Variants in WASF3 observed in about 807,000 individuals in gnomAD.
The protein encoded by WASF3 is WASP family member 3, also known as actin-binding protein WASF3.
Under a neutral mutation model 46.6 loss-of-function variants are expected in WASF3, and 11 were observed. The ratio of observed to expected loss-of-function variants is 0.24; its 90% CI spans 0.15 to 0.39. The LOEUF (loss-of-function observed/expected upper bound fraction) is 0.39. Ranked by LOEUF, WASF3 falls within the 10% of genes least tolerant of loss-of-function variation. The pLI is 1.00. For missense variants in WASF3, 576 were observed against 669.8 expected, an observed-to-expected ratio of 0.86 and a Z score of 1.55; for synonymous variants, 242 against 259.7, an observed-to-expected ratio of 0.93 and a Z score of 0.65.
rs773097468 is a variant in WASF3, at chr13:26,682,722, A to G, written c.1099A>G (p.Met367Val). 13 of 1,613,880 alleles carry G rather than the reference A, an allele frequency of 8.1e-6. No homozygotes were observed. The highest frequency in any genetic ancestry group is 1.1e-5 in the South Asian group (1 of 91,084). The change falls in exon 9 of 10, where the codon ATG becomes GTG. Residue 367 changes from methionine to valine, a missense_variant. Met to Val is a conservative substitution (Grantham distance 21, BLOSUM62 1). Transcript: ENST00000335327. The surrounding 1 kb of genome is among the most constrained non-coding windows in gnomAD (Gnocchi z 4.4). Reference sequence around the variant, plus strand: ...CTTCGTCAGCCCTCTCCAGATGCCCATGCAGCCCCCGTTCCCTGCATCAGC... The same window carrying G: ...CTTCGTCAGCCCTCTCCAGATGCCCGTGCAGCCCCCGTTCCCTGCATCAGC... The part of the protein sequence containing the change: ...TAFVSPLQMP[M>V]QPPFPASASS...
At chr13:26,672,070 G>T in intron 6 of WASF3, 81 bp downstream of exon 6, 2 of 1,143,572 alleles carry the variant, frequency 1.7e-6, no homozygotes, top group Non-Finnish European at 2.6e-6. Flanking sequence ...TATTTAAATG[G>T]TTGAGATATT....
Position 26,681,310 on chromosome 13 carries a change from G to C in WASF3, c.973G>C (p.Ala325Pro). ...GSQASAPMAP[A>P]DYGMLPAQII... is the part of the protein sequence containing the mutation. Reference sequence around the variant, plus strand: ...CCAGGCCTCTGCACCGATGGCTCCAGCAGACTACGGGTAACTCAGCATGCC... The same window carrying C: ...CCAGGCCTCTGCACCGATGGCTCCACCAGACTACGGGTAACTCAGCATGCC... Residue 325 changes from alanine (A) to proline (P), a missense_variant, in exon 8 of 10, where the codon GCA becomes CCA. Ala to Pro is a conservative substitution (Grantham distance 27, BLOSUM62 -1). Around this residue, in one of 3 missense-constraint regions of WASF3, gnomAD observed 295 missense variants for 291.5 expected, o/e 1.01. Coordinates refer to ENST00000335327, the MANE Select transcript of WASF3 (RefSeq NM_006646.6). The C allele has an allele frequency of 1.9e-6, 3 of 1,597,082 alleles. No homozygotes were observed. Among genetic ancestry groups the C allele is most frequent in the Non-Finnish European group, 2.6e-6 (3 of 1,172,296 alleles).
At chr13:26,678,404 A>G (rs1215159982) in intron 7 of WASF3, among the ~76,000 whole-genome samples, 1 of 152,070 alleles carries the variant, frequency 6.6e-6, no homozygotes, top group Non-Finnish European at 1.5e-5. Context: ...ATTTTAGTGT[A>G]TTTCTCTTTA....
At chr13:26,648,052 A>T (rs1195657247) in intron 3 of WASF3, among the ~76,000 whole-genome samples, 1 of 152,138 alleles carries the variant, frequency 6.6e-6, no homozygotes, top group Non-Finnish European at 1.5e-5. Context: ...TTGGACATAT[A>T]GTTATTTGTG....
chr13:26,681,379 A>G (rs1883227615), intron 8 of WASF3, 59 bp downstream of exon 8: 9 of 1,489,524 alleles, frequency 6.0e-6, no homozygotes, highest in Middle Eastern at 2.0e-4. Flanking sequence ...ATCTTGCTCT[A>G]TGTGGTAGGA....
intron 1 of WASF3, among the ~76,000 whole-genome samples, chr13:26,572,070 G>A (rs566444193): frequency 6.6e-6 from 1 of 152,222 alleles, no homozygotes; most frequent in East Asian, 1.9e-4. Context: ...TTCTTTAATT[G>A]TTTGAGTTAA....
chr13:26,539,991 G>T, the WASF3 span, among the ~76,000 whole-genome samples: 1 of 152,166 alleles, frequency 6.6e-6, no homozygotes, highest in South Asian at 2.1e-4. Flanking sequence ...TGTCTGGGGG[G>T]TGTGAGAGCA....
At chr13:26,642,189 CA>C in intron 2 of WASF3, 71 bp from the exon 3 acceptor site, 1 of 1,425,084 alleles carries the variant, frequency 7.0e-7, no homozygotes, top group South Asian at 1.6e-5. Context: ...AGTCAATTTT[CA>C]AGGGAATTAA....
chr13:26,557,739 G>C lies in WASF3; in HGVS notation c.-189G>C, dbSNP rs1021369195. The C allele has an allele frequency of 1.4e-5, 3 of 211,912 alleles. No homozygotes were observed. The highest frequency in any genetic ancestry group is 2.8e-5 in the Non-Finnish European group (3 of 108,698). The allele number at this position is 211,912 out of a possible 1,614,324, so 13.1% of individuals were successfully genotyped here. A position where few individuals can be genotyped will look rare whatever the true frequency, so the allele number is the denominator to read the frequency against. ...CGCTGCGTGCGGTGTGGTGCGAGGC[G>C]GGTGCGCCGGGCGGCCGCGGCGCGG... is the stretch of plus-strand genomic sequence containing the variant. On this transcript the variant is annotated 5_prime_UTR_variant, in exon 1 of 10. Transcript: ENST00000335327.
intron 2 of WASF3, among the ~76,000 whole-genome samples, chr13:26,629,685 G>A (rs953090220): frequency 6.6e-6 from 1 of 152,124 alleles, no homozygotes; most frequent in African/African-American, 2.4e-5. Context: ...GGAGGTCTGG[G>A]CTTCCTGCTC....
intron 2 of WASF3, among the ~76,000 whole-genome samples, chr13:26,627,893 GAA>G (rs144182438): frequency 7.7e-6 from 1 of 129,600 alleles, no homozygotes; most frequent in Non-Finnish European, 1.7e-5. Flanking sequence ...TAATAATAAA[GAA>G]AAAAAAACCC....
At chr13:26,561,503 T>C (rs1879294412) in intron 1 of WASF3, among the ~76,000 whole-genome samples, 1 of 152,098 alleles carries the variant, frequency 6.6e-6, no homozygotes, top group South Asian at 2.1e-4. Flanking sequence ...GAGGGGACAG[T>C]GTGTTCAGTT....
chr13:26,606,688 T>G (rs1434266432), intron 1 of WASF3: 3 of 152,064 alleles, frequency 2.0e-5, no homozygotes, highest in Non-Finnish European at 4.4e-5. Flanking sequence ...AATATTTAGT[T>G]GGTGATAAGA....
chr13:26,683,338 T>G (rs1883301203), intron 9 of WASF3, among the ~76,000 whole-genome samples: 1 of 152,102 alleles, frequency 6.6e-6, no homozygotes, highest in African/African-American at 2.4e-5. Context: ...TAGCTGAGCA[T>G]GTTGGCCTGA....
At chr13:26,541,236 TA>T in the WASF3 span, among the ~76,000 whole-genome samples, 1 of 152,252 alleles carries the variant, frequency 6.6e-6, no homozygotes, top group Middle Eastern at 3.4e-3. Context: ...ATTTAGCAGC[TA>T]GAGGCTGCAG....
intron 1 of WASF3, among the ~76,000 whole-genome samples, chr13:26,612,553 A>G (rs1881010139): frequency 6.6e-6 from 1 of 152,224 alleles, no homozygotes; most frequent in Non-Finnish European, 1.5e-5. Context: ...TATGGGAAAA[A>G]TCGATACAAA....
chr13:26,684,868 T>TA (rs1377841307), intron 9 of WASF3, among the ~76,000 whole-genome samples: 3 of 152,092 alleles, frequency 2.0e-5, no homozygotes, highest in Non-Finnish European at 2.9e-5. Context: ...TCAAAACAGT[T>TA]AAAAAATGAA....
intron 2 of WASF3, among the ~76,000 whole-genome samples, chr13:26,634,042 C>T (rs1881739504): frequency 6.6e-6 from 1 of 152,098 alleles, no homozygotes; most frequent in Non-Finnish European, 1.5e-5. Flanking sequence ...TCCTGGATAT[C>T]CTTGTTAACC....
intron 6 of WASF3, among the ~76,000 whole-genome samples, chr13:26,676,198 T>C (rs1883063807): frequency 6.6e-6 from 1 of 152,242 alleles, no homozygotes; most frequent in Non-Finnish European, 1.5e-5. Context: ...AATTTCTCTT[T>C]ATGGTGTTTC....
Sources: allele counts gnomAD v4.1 joint callset (sites outside exome capture counted in the v4.1 genomes callset), GRCh38; gene constraint gnomAD v4.1.1; regional missense constraint gnomAD v4.1.1; non-coding constraint Gnocchi (gnomAD v3.1); transcripts MANE v1.5; gene names NCBI Gene and HGNC (gene_info 2026-07-23, HGNC 2026-07-21).